FAM227B: variants seen among roughly 807,000 people sequenced by gnomAD.
FAM227B encodes protein FAM227B.
Under a neutral mutation model 73.8 loss-of-function variants are expected in FAM227B, and 88 were observed. That is an observed-to-expected ratio of 1.19 (90% CI 1.00 to 1.42). The LOEUF (loss-of-function observed/expected upper bound fraction) is 1.42. Among genes scored for constraint, FAM227B ranks in the 40% most tolerant of loss-of-function variants. The pLI, the probability that FAM227B is intolerant of heterozygous loss-of-function variation, is 0.00. For synonymous variants in FAM227B, 210 were observed against 190.5 expected, an observed-to-expected ratio of 1.10 and a Z score of -0.84; for missense variants, 632 against 590.9, an observed-to-expected ratio of 1.07 and a Z score of -0.72.
At chr15:49,556,583 T>C (rs890495600) in intron 9 of FAM227B, among the ~76,000 whole-genome samples, 3 of 152,180 alleles carry the variant, frequency 2.0e-5, no homozygotes, top group African/African-American at 4.8e-5. Context: ...AGCTTTAATG[T>C]AGGCCCCCGG....
chr15:49,455,090 CAT>C (rs145504903), intron 11 of FAM227B, among the ~76,000 whole-genome samples: 3,519 of 152,180 alleles, frequency 0.023, 85 homozygotes, highest in South Asian at 0.13. Context: ...TGTTTTAAAG[CAT>C]ATTCTCTAGG....
chr15:49,364,116 G>A (rs183235818), intron 13 of FAM227B, among the ~76,000 whole-genome samples: 255 of 152,264 alleles, frequency 1.7e-3, no homozygotes, highest in African/African-American at 5.8e-3. Context: ...ATATTAGGAT[G>A]ATGCTGGCCT....
At chr15:49,418,595 G>C (rs953171235) in intron 11 of FAM227B, among the ~76,000 whole-genome samples, 1 of 152,120 alleles carries the variant, frequency 6.6e-6, no homozygotes, top group Non-Finnish European at 1.5e-5. Flanking sequence ...GCTAAGTAGT[G>C]AGAACAAATG....
At chr15:49,346,321 A>G (rs934489763) in intron 13 of FAM227B, among the ~76,000 whole-genome samples, 1 of 152,182 alleles carries the variant, frequency 6.6e-6, no homozygotes, top group South Asian at 2.1e-4. Flanking sequence ...ACGATTTTCT[A>G]TACATATGTC....
At chr15:49,426,612 A>G (rs1244501585) in intron 11 of FAM227B, among the ~76,000 whole-genome samples, 1 of 151,980 alleles carries the variant, frequency 6.6e-6, no homozygotes, top group African/African-American at 2.4e-5. Flanking sequence ...ACACATGCAT[A>G]AAATGCTAAA....
At chr15:49,396,095 T>C in intron 11 of FAM227B, 1 of 425,240 alleles carries the variant, frequency 2.4e-6, no homozygotes, top group Non-Finnish European at 4.7e-6. Flanking sequence ...CAGGTTCATC[T>C]CACTAGGGAG....
chr15:49,503,745 A>T (rs988316092), intron 11 of FAM227B, among the ~76,000 whole-genome samples: 2 of 152,244 alleles, frequency 1.3e-5, no homozygotes, highest in African/African-American at 4.8e-5. Flanking sequence ...CACACCAGTT[A>T]GAATGGTGAT....
intron 3 of FAM227B, among the ~76,000 whole-genome samples, chr15:49,594,441 CTATT>C (rs1188981601): frequency 2.0e-5 from 3 of 152,062 alleles, no homozygotes; most frequent in African/African-American, 4.8e-5. Context: ...TAAGTCCCAT[CTATT>C]TATCTTGGTT....
chr15:49,387,306 G>T (rs2046942758), intron 11 of FAM227B, among the ~76,000 whole-genome samples: 2 of 151,754 alleles, frequency 1.3e-5, no homozygotes, highest in South Asian at 2.1e-4. Context: ...TGGTCAAGTG[G>T]GTTTCATCCC....
At chr15:49,365,248 A>C in intron 13 of FAM227B, 7 of 1,146,256 alleles carry the variant, frequency 6.1e-6, no homozygotes, top group Non-Finnish European at 8.0e-6. Context: ...ATTTCCAGGC[A>C]ACAACTGAGG....
At chr15:49,597,773 G>A (rs1306219084) in intron 3 of FAM227B, among the ~76,000 whole-genome samples, 1 of 151,862 alleles carries the variant, frequency 6.6e-6, no homozygotes, top group Non-Finnish European at 1.5e-5. Context: ...AGCTCAATTA[G>A]GAAAGAAAGG....
chr15:49,575,113 T>A lies in FAM227B; in HGVS notation c.547-4A>T. 1 of 1,535,904 alleles carries A rather than the reference T, an allele frequency of 6.5e-7. No individual in the cohort carries two copies. Among genetic ancestry groups the A allele is most frequent in the African/African-American group, 1.4e-5 (1 of 72,100 alleles). On this transcript the variant is annotated splice_region_variant and splice_polypyrimidine_tract_variant and intron_variant, in intron 7 of 15. Transcript: ENST00000299338. ...TCCAGATTTTAAAAACTCTTTCCTA[T>A]GGAAAAAAACAAGAGAGAGATGCAT...
At chr15:49,384,312 CA>C (rs2151537272) in intron 11 of FAM227B, among the ~76,000 whole-genome samples, 1 of 152,108 alleles carries the variant, frequency 6.6e-6, no homozygotes, top group African/African-American at 2.4e-5. Context: ...GCACTAGTAG[CA>C]AAAACTGCTA....
rs1247862997 is a variant in FAM227B at position 49,589,914 on chromosome 15, A to C, written c.199T>G (p.Tyr67Asp). Residue 67 changes from tyrosine to aspartate, a missense_variant, in exon 4 of 16, where the codon TAT becomes GAT. Coordinates refer to ENST00000299338, the MANE Select transcript of FAM227B (RefSeq NM_152647.3). The stretch of plus-strand genomic sequence containing the variant: ...GGAACATTTTCCCATAGGTGTGTAT[A>C]AATTGAAACAAATGAACTATCTTCT... ...IKEDSSFVSI[Y>D]THLWENVPRI... 6 of 1,592,006 alleles carry C rather than the reference A, an allele frequency of 3.8e-6. 1 individual carries two copies. In the Admixed American group the frequency reaches 1.0e-4, roughly 27 times the overall value.
chr15:49,402,209 T>A (rs2048211639), intron 11 of FAM227B, among the ~76,000 whole-genome samples: 1 of 152,156 alleles, frequency 6.6e-6, no homozygotes, highest in Admixed American at 6.5e-5. Context: ...GCAAAGGGCA[T>A]GATAGAAAGA....
chr15:49,478,342 T>C (rs1048775583), intron 11 of FAM227B, among the ~76,000 whole-genome samples: 1 of 152,138 alleles, frequency 6.6e-6, no homozygotes, highest in Non-Finnish European at 1.5e-5. Flanking sequence ...AGGTTTTTTT[T>C]TTCTTATTGT....
intron 11 of FAM227B, chr15:49,486,458 G>A (rs917630739): frequency 3.3e-5 from 5 of 151,948 alleles, no homozygotes; most frequent in African/African-American, 1.2e-4. Context: ...TTTCATATGT[G>A]TTTCCTTAGT....
intron 11 of FAM227B, among the ~76,000 whole-genome samples, chr15:49,416,359 G>A (rs2049211664): frequency 6.6e-6 from 1 of 152,026 alleles, no homozygotes; most frequent in Non-Finnish European, 1.5e-5. Context: ...CAGGGTTCAA[G>A]CTGATTTATG....
intron 11 of FAM227B, among the ~76,000 whole-genome samples, chr15:49,412,011 T>C (rs1357824267): frequency 1.3e-5 from 2 of 152,146 alleles, no homozygotes; most frequent in Non-Finnish European, 2.9e-5. Context: ...AGGTGACAGT[T>C]TGATTTATTA....
Sources: gnomAD v4.1 joint callset for allele counts (sites outside exome capture counted in the v4.1 genomes callset) on GRCh38, gnomAD v4.1.1 for gene constraint, MANE v1.5 for transcripts, NCBI Gene and HGNC (gene_info 2026-07-23, HGNC 2026-07-21) for gene names.